The following CTNNA3 variants were observed in gnomAD, a reference collection of about 807,000 sequenced individuals.
The protein encoded by CTNNA3 is catenin alpha 3.
A neutral mutation model predicts 95.7 loss-of-function variants in CTNNA3; 76 were observed. The observed-to-expected ratio is 0.79, with a 90% CI of 0.66 to 0.96. CTNNA3 has a LOEUF of 0.96. Ranked by LOEUF, CTNNA3 falls within the 40% of genes least tolerant of loss-of-function variation. The pLI is 0.00. For synonymous variants in CTNNA3, 431 were observed against 374.4 expected (o/e 1.15, Z -1.74); for missense variants, 1,191 against 1,089.8 (o/e 1.09, Z -1.31).
intron 7 of CTNNA3, among the ~76,000 whole-genome samples, chr10:67,087,155 G>A (rs1393786590): frequency 6.6e-6 from 1 of 152,000 alleles, no homozygotes; most frequent in Non-Finnish European, 1.5e-5. Context: ...AGATTTACAT[G>A]TAAATGAACA....
intron 13 of CTNNA3, among the ~76,000 whole-genome samples, chr10:66,195,865 T>C (rs1201979518): frequency 7.1e-6 from 1 of 141,596 alleles, no homozygotes; most frequent in East Asian, 1.9e-4. Flanking sequence ...GGTGAACACA[T>C]GTTAGCCATT....
chr10:66,678,131 T>C (rs1443286880), intron 9 of CTNNA3, among the ~76,000 whole-genome samples: 4 of 152,158 alleles, frequency 2.6e-5, no homozygotes. Context: ...CAACAAAATA[T>C]GCTTTCCCTT....
intron 7 of CTNNA3, among the ~76,000 whole-genome samples, chr10:66,825,283 A>ATAT (rs1554858259): frequency 2.2e-5 from 3 of 137,254 alleles, no homozygotes; most frequent in Non-Finnish European, 4.8e-5. Context: ...ATATATATAT[A>ATAT]TTTTTTTTTT....
chr10:66,304,108 G>T (rs1216489399), intron 12 of CTNNA3, among the ~76,000 whole-genome samples: 2 of 152,052 alleles, frequency 1.3e-5, no homozygotes, highest in South Asian at 2.1e-4. Context: ...GTATTTCAAA[G>T]AAGTGAAATA....
chr10:66,436,590 A>T (rs1415129283), intron 11 of CTNNA3, among the ~76,000 whole-genome samples: 1 of 136,836 alleles, frequency 7.3e-6, no homozygotes, highest in African/African-American at 2.8e-5. Context: ...TTGTCTTTGC[A>T]TGTGAGATAA....
intron 7 of CTNNA3, among the ~76,000 whole-genome samples, chr10:66,944,062 CT>C (rs947199574): frequency 2.6e-5 from 4 of 152,198 alleles, no homozygotes; most frequent in African/African-American, 9.6e-5. Context: ...ACAAGGATGT[CT>C]GCTGCATTGG....
chr10:67,611,497 T>A (rs1485466879), intron 2 of CTNNA3, among the ~76,000 whole-genome samples: 1 of 152,016 alleles, frequency 6.6e-6, no homozygotes, highest in South Asian at 2.1e-4. Flanking sequence ...TTGTATTTTT[T>A]AGTAGAGACA....
chr10:66,686,549 C>T (rs1215082110), intron 9 of CTNNA3, among the ~76,000 whole-genome samples: 2 of 152,140 alleles, frequency 1.3e-5, no homozygotes, highest in Non-Finnish European at 2.9e-5. Context: ...ACTGTCCTAG[C>T]AAAAGTCTGC....
At chr10:66,988,869 TAC>T (rs780064158) in intron 7 of CTNNA3, among the ~76,000 whole-genome samples, 2 of 151,862 alleles carry the variant, frequency 1.3e-5, no homozygotes, top group African/African-American at 4.8e-5. Flanking sequence ...CTCTCCACCC[TAC>T]ACACACACAC....
At chr10:66,835,088 C>T (rs1321914902) in intron 7 of CTNNA3, among the ~76,000 whole-genome samples, 1 of 152,078 alleles carries the variant, frequency 6.6e-6, no homozygotes, top group Admixed American at 6.5e-5. Context: ...ACAAGGAAGA[C>T]AAATGACAAA....
intron 7 of CTNNA3, among the ~76,000 whole-genome samples, chr10:66,807,173 A>C (rs535406378): frequency 6.6e-6 from 1 of 152,026 alleles, no homozygotes; most frequent in Non-Finnish European, 1.5e-5. Flanking sequence ...TTGGGTGCGC[A>C]CTGTGAAAAA....
At chr10:67,133,306 G>GATATATATATATATATATATATTTATTT (rs56800232) in intron 7 of CTNNA3, among the ~76,000 whole-genome samples, 5 of 97,688 alleles carry the variant, frequency 5.1e-5, no homozygotes, top group African/African-American at 1.5e-4. Flanking sequence ...CATATTGCCT[G>GATATATATATATATATATATATTTATTT]ATATATATAT....
intron 12 of CTNNA3, among the ~76,000 whole-genome samples, chr10:66,359,413 A>T (rs2092636492): frequency 6.6e-6 from 1 of 152,170 alleles, no homozygotes; most frequent in South Asian, 2.1e-4. Flanking sequence ...GGATAAGAAA[A>T]AGCTGGTGAT....
chr10:67,324,705 T>TC (rs1182610430), intron 5 of CTNNA3, among the ~76,000 whole-genome samples: 6 of 151,934 alleles, frequency 3.9e-5, no homozygotes, highest in Admixed American at 3.9e-4. Context: ...TTTCTCCTTT[T>TC]TTTTTTTTTG....
intron 15 of CTNNA3, among the ~76,000 whole-genome samples, chr10:66,018,612 T>A (rs949409474): frequency 4.6e-5 from 7 of 152,102 alleles, no homozygotes; most frequent in African/African-American, 1.7e-4. Context: ...GTATGAAATG[T>A]CACATTACAT....
chr10:66,749,133 GC>G (rs1360186149), intron 9 of CTNNA3, among the ~76,000 whole-genome samples: 1 of 145,712 alleles, frequency 6.9e-6, no homozygotes, highest in Non-Finnish European at 1.5e-5. Context: ...AACCCGGGAG[GC>G]AGAGGTTGCA....
chr10:67,017,753 G>GTGCA (rs56234822), intron 7 of CTNNA3, among the ~76,000 whole-genome samples: 2 of 146,812 alleles, frequency 1.4e-5, no homozygotes, highest in African/African-American at 5.3e-5. Context: ...GTGTGTGTGT[G>GTGCA]CGCGCGTACA....
At chr10:66,735,419 G>A (rs1478803475) in intron 9 of CTNNA3, among the ~76,000 whole-genome samples, 1 of 151,838 alleles carries the variant, frequency 6.6e-6, no homozygotes, top group East Asian at 1.9e-4. Context: ...TTATTTTCTG[G>A]CTCAATTTAG....
intron 5 of CTNNA3, among the ~76,000 whole-genome samples, chr10:67,296,559 A>G (rs1042210959): frequency 7.2e-5 from 11 of 152,208 alleles, no homozygotes; most frequent in South Asian, 2.1e-4. Context: ...AGGACAAAGC[A>G]TGGCATCCTC....
Sources: gnomAD v4.1 joint callset for allele counts (sites outside exome capture counted in the v4.1 genomes callset) on GRCh38, gnomAD v4.1.1 for gene constraint, MANE v1.5 for transcripts, NCBI Gene and HGNC (gene_info 2026-07-23, HGNC 2026-07-21) for gene names.